Variants in PLCL1 observed in about 807,000 individuals in gnomAD.
The protein encoded by PLCL1 is inactive phospholipase C-like protein 1.
Under a neutral mutation model 84.4 loss-of-function variants are expected in PLCL1, and 41 were observed. The ratio of observed to expected loss-of-function variants is 0.49; its 90% CI spans 0.38 to 0.63. PLCL1 has a LOEUF of 0.63. Among genes scored for constraint, PLCL1 ranks in the 30% least tolerant of loss-of-function variants. The pLI, the probability that PLCL1 is intolerant of heterozygous loss-of-function variation, is 0.00. For synonymous variants in PLCL1, 490 were observed against 488.3 expected (o/e 1.00, Z -0.05); for missense variants, 1,206 against 1,367.8 (o/e 0.88, Z 1.87).
intron 1 of PLCL1, among the ~76,000 whole-genome samples, chr2:198,052,676 G>A (rs1691967834): frequency 6.6e-6 from 1 of 152,160 alleles, no homozygotes. Flanking sequence ...GTAAAAATAA[G>A]GAATGTCATT....
At chr2:197,806,028 T>C (rs943729300) in intron 1 of PLCL1, among the ~76,000 whole-genome samples, 4 of 152,254 alleles carry the variant, frequency 2.6e-5, no homozygotes, top group Admixed American at 2.6e-4. Flanking sequence ...GCAAGGAATT[T>C]GTAAACCTCT....
intron 1 of PLCL1, among the ~76,000 whole-genome samples, chr2:198,036,445 T>C (rs1559081883): frequency 6.6e-6 from 1 of 152,212 alleles, no homozygotes; most frequent in South Asian, 2.1e-4. Context: ...CTAACATAAG[T>C]GCATTTTCAA....
intron 5 of PLCL1, among the ~76,000 whole-genome samples, chr2:198,143,939 T>C (rs1694455013): frequency 6.6e-6 from 1 of 152,102 alleles, no homozygotes; most frequent in South Asian, 2.1e-4. Context: ...GTGTGTGTTG[T>C]CTCCAGGGTT....
intron 5 of PLCL1, among the ~76,000 whole-genome samples, chr2:198,119,621 C>G (rs1193964325): frequency 6.6e-6 from 1 of 151,898 alleles, no homozygotes; most frequent in Non-Finnish European, 1.5e-5. Flanking sequence ...GGAAGCCTTC[C>G]CTGCTCTTGT....
intron 1 of PLCL1, among the ~76,000 whole-genome samples, chr2:197,946,617 T>G (rs1689277878): frequency 6.6e-6 from 1 of 152,174 alleles, no homozygotes; most frequent in Non-Finnish European, 1.5e-5. Flanking sequence ...GAGAATATAC[T>G]CTGGGGGCAG....
At chr2:198,143,895 A>ATTTTTTT (rs5837583) in intron 5 of PLCL1, among the ~76,000 whole-genome samples, 1 of 150,488 alleles carries the variant, frequency 6.6e-6, no homozygotes, top group Non-Finnish European at 1.5e-5. Context: ...TAGTTTACCT[A>ATTTTTTT]TTTTTTTTTT....
At chr2:197,861,963 G>A (rs941345215) in intron 1 of PLCL1, among the ~76,000 whole-genome samples, 11 of 152,152 alleles carry the variant, frequency 7.2e-5, no homozygotes, top group African/African-American at 2.4e-4. Context: ...ATTTGACAAA[G>A]GCTCACGGCA....
chr2:197,905,781 A>G (rs1688370064), intron 1 of PLCL1, among the ~76,000 whole-genome samples: 1 of 152,172 alleles, frequency 6.6e-6, no homozygotes, highest in Non-Finnish European at 1.5e-5. Context: ...GTGAGATGGT[A>G]TCTCATTGTG....
chr2:198,094,289 C>T (rs1279123405), intron 3 of PLCL1, among the ~76,000 whole-genome samples: 1 of 152,136 alleles, frequency 6.6e-6, no homozygotes, highest in Non-Finnish European at 1.5e-5. Flanking sequence ...TCTTGATCTC[C>T]TGACCTCGTG....
rs560721790 is a variant in PLCL1, at chr2:197,922,426, A to C, written c.240+117087A>C. On this transcript the variant is annotated intron_variant, in intron 1 of 5. Coordinates refer to ENST00000428675, the MANE Select transcript of PLCL1 (RefSeq NM_006226.4). ...CATGTCTACTTCTTTCTACACAGAC[A>C]CGGCAACCATCCGATTTCTCAATCT... 2.0e-4 allele frequency among the ~76,000 whole-genome samples: 21 copies of C among 107,350 alleles called. No individual in the cohort carries two copies. The East Asian group carries it at 7.1e-3, about 36-fold the overall frequency. The allele number at this position is 107,350 out of a possible 152,430, so 70.4% of individuals were successfully genotyped here. A position where few individuals can be genotyped will look rare whatever the true frequency, so the allele number is the denominator to read the frequency against.
intron 5 of PLCL1, among the ~76,000 whole-genome samples, chr2:198,139,896 A>AAAT (rs34268063): frequency 6.6e-6 from 1 of 152,080 alleles, no homozygotes; most frequent in African/African-American, 2.4e-5. Context: ...AAGGTATAAC[A>AAAT]GGGACAATAA....
chr2:198,099,918 A>G (rs1284814363), intron 3 of PLCL1, among the ~76,000 whole-genome samples: 1 of 152,184 alleles, frequency 6.6e-6, no homozygotes, highest in Non-Finnish European at 1.5e-5. Context: ...AATCCTATTA[A>G]AAGCTTTATG....
intron 1 of PLCL1, among the ~76,000 whole-genome samples, chr2:198,073,388 A>G (rs972402963): frequency 6.6e-6 from 1 of 152,140 alleles, no homozygotes; most frequent in African/African-American, 2.4e-5. Context: ...GCAGATGCTG[A>G]TGTTCAGTTA....
At chr2:198,137,369 A>G (rs375794413) in intron 5 of PLCL1, among the ~76,000 whole-genome samples, 68 of 152,346 alleles carry the variant, frequency 4.5e-4, no homozygotes, top group Admixed American at 1.7e-3. Flanking sequence ...AGCAGATCTC[A>G]GTGATACTGT....
intron 5 of PLCL1, among the ~76,000 whole-genome samples, chr2:198,114,205 G>C (rs1425516286): frequency 1.3e-5 from 2 of 151,820 alleles, no homozygotes; most frequent in Non-Finnish European, 2.9e-5. Flanking sequence ...CTGGTTACAT[G>C]GTGTCCAGAT....
intron 5 of PLCL1, among the ~76,000 whole-genome samples, chr2:198,119,931 T>G (rs1397729439): frequency 6.6e-6 from 1 of 151,968 alleles, no homozygotes; most frequent in Non-Finnish European, 1.5e-5. Flanking sequence ...TTGATCTATG[T>G]GACACCAAAA....
chr2:197,887,776 T>A (rs865833607), intron 1 of PLCL1, among the ~76,000 whole-genome samples: 27 of 152,132 alleles, frequency 1.8e-4, no homozygotes, highest in African/African-American at 6.3e-4. Flanking sequence ...TTTCATACTC[T>A]ATGTACAAGC....
intron 5 of PLCL1, among the ~76,000 whole-genome samples, chr2:198,139,247 C>T (rs116048348): frequency 3.3e-5 from 5 of 152,198 alleles, no homozygotes; most frequent in Admixed American, 6.5e-5. Context: ...TTTCTTTCCA[C>T]AGTGAGGGTT....
chr2:198,018,842 A>G (rs1336446302), intron 1 of PLCL1, among the ~76,000 whole-genome samples: 1 of 152,250 alleles, frequency 6.6e-6, no homozygotes, highest in Non-Finnish European at 1.5e-5. Flanking sequence ...ACGGCTCTAA[A>G]GAGAGCAACG....
Sources: gnomAD v4.1 joint callset for allele counts (sites outside exome capture counted in the v4.1 genomes callset) on GRCh38, gnomAD v4.1.1 for gene constraint, MANE v1.5 for transcripts, NCBI Gene and HGNC (gene_info 2026-07-23, HGNC 2026-07-21) for gene names.